The following JAKMIP3 variants were observed in gnomAD, a reference collection of about 807,000 sequenced individuals.
JAKMIP3 encodes the protein janus kinase and microtubule-interacting protein 3.
Under a neutral mutation model 118.5 loss-of-function variants are expected in JAKMIP3, and 58 were observed. That is an observed-to-expected ratio of 0.49 (90% CI 0.40 to 0.61). The LOEUF (loss-of-function observed/expected upper bound fraction) is 0.61, where lower values mean the gene tolerates loss of function less well. Among genes scored for constraint, JAKMIP3 ranks in the 20% least tolerant of loss-of-function variants. The pLI is 0.00. For synonymous variants in JAKMIP3, 486 were observed against 451.2 expected, an observed-to-expected ratio of 1.08 and a Z score of -0.98; for missense variants, 950 against 1,109.0, an observed-to-expected ratio of 0.86 and a Z score of 2.04.
At position 132,117,293 on chromosome 10, in the gene JAKMIP3, G is replaced by T. The variant is rs542760197; in HGVS notation, c.352G>T (p.Ala118Ser). 7 of 1,613,996 alleles carry T rather than the reference G, an allele frequency of 4.3e-6. No homozygotes were observed. The Admixed American group carries it at 5.0e-5, about 12-fold the overall frequency. ...GGACAACGAGAACCAGCGGCTGCAG[G>T]CACTGCTCAGTGCCCTGCGTGATGG... Reference protein sequence around the residue: ...IKDNENQRLQALLSALRDGGP... With the variant: ...IKDNENQRLQSLLSALRDGGP... The change falls in exon 3 of 24, where the codon GCA (alanine) becomes TCA (serine). Residue 118 changes from alanine (A) to serine (S), a missense_variant. Coordinates refer to ENST00000684848, the MANE Select transcript of JAKMIP3 (RefSeq NM_001323087.2). The surrounding 1 kb of genome is among the most constrained non-coding windows in gnomAD (Gnocchi z 8.6).
intron 2 of JAKMIP3, among the ~76,000 whole-genome samples, chr10:132,115,522 C>T (rs1015688125): frequency 5.9e-5 from 9 of 152,202 alleles, no homozygotes; most frequent in African/African-American, 9.7e-5. Context: ...GGGGAAATTA[C>T]GGCTGGTTTG....
Position 132,049,596 on chromosome 10 carries a change from G to T in JAKMIP3, c.-138+12858G>T, listed in dbSNP as rs1215568771. Among the ~76,000 whole-genome samples the T allele has an allele frequency of 6.6e-6, 1 of 151,614 alleles. No homozygotes were observed. Among genetic ancestry groups the T allele is most frequent in the Admixed American group, 6.6e-5 (1 of 15,208 alleles). On this transcript the variant is annotated intron_variant, in intron 1 of 23. Transcript: ENST00000657785. This position sits in a 1 kb window ranked among gnomAD's most constrained non-coding sequence, Gnocchi z 4.3. ...GGGGTGTTTTTCCATATCCTTGAAT[G>T]CTGTTTGCGTGTGCCCGGTTCTGTT...
At chr10:132,071,387 G>GGT (rs1467263000) in intron 1 of JAKMIP3, among the ~76,000 whole-genome samples, 2 of 152,170 alleles carry the variant, frequency 1.3e-5, no homozygotes, top group African/African-American at 2.4e-5. Flanking sequence ...ATTCTGCTAT[G>GGT]GTTGGGTGGT....
intron 19 of JAKMIP3, among the ~76,000 whole-genome samples, chr10:132,162,173 G>A (rs1007141018): frequency 2.6e-5 from 4 of 152,190 alleles, no homozygotes; most frequent in African/African-American, 9.7e-5. Flanking sequence ...GGTTCCTCCT[G>A]GGGCAGTGGT....
intron 14 of JAKMIP3, among the ~76,000 whole-genome samples, chr10:132,149,134 G>T (rs2055300136): frequency 6.6e-6 from 1 of 152,104 alleles, no homozygotes; most frequent in African/African-American, 2.4e-5. Flanking sequence ...ATGTGCCCGT[G>T]GGCTCAGGGT....
chr10:132,103,506 C>T (rs56066300), intron 1 of JAKMIP3, among the ~76,000 whole-genome samples: 1 of 94,172 alleles, frequency 1.1e-5, no homozygotes, highest in East Asian at 2.9e-4. Context: ...AGAGGAGTAG[C>T]TTGGTGGGGG....
chr10:132,073,418 C>G (rs2040287335), intron 1 of JAKMIP3, among the ~76,000 whole-genome samples: 1 of 152,032 alleles, frequency 6.6e-6, no homozygotes, highest in Non-Finnish European at 1.5e-5. Context: ...ATCTCCTGAC[C>G]TTGTGATCCA....
rs1296924184 is a variant in JAKMIP3 at position 132,167,856 on chromosome 10, A to ACCTCTCGGCCCTCG, written c.*23-95_*23-94insTCTCGGCCCTCGCC. 4,396 of 338,238 alleles carry ACCTCTCGGCCCTCG rather than the reference A, an allele frequency of 0.013. 409 individuals carry two copies. The Admixed American group carries it at 0.21, about 16-fold the overall frequency. The allele number at this position is 338,238 out of a possible 1,614,324, so 21.0% of individuals were successfully genotyped here. On this transcript the variant is annotated intron_variant, in intron 22 of 23. Coordinates refer to ENST00000684848, the MANE Select transcript of JAKMIP3 (RefSeq NM_001323087.2). ...CCTCGGCCCTCGCCCCTCGCCCCTC[A>ACCTCTCGGCCCTCG]CCCCTCGGCCCTCGCCCCTCGCCCC...
At chr10:132,080,581 G>A (rs1276136293) in intron 1 of JAKMIP3, among the ~76,000 whole-genome samples, 1 of 133,552 alleles carries the variant, frequency 7.5e-6, no homozygotes, top group Non-Finnish European at 1.5e-5. Flanking sequence ...GAGTGCAGTG[G>A]TGCAATGTCA....
intron 2 of JAKMIP3, among the ~76,000 whole-genome samples, chr10:132,115,525 C>T (rs2047510870): frequency 1.3e-5 from 2 of 152,180 alleles, no homozygotes; most frequent in South Asian, 4.1e-4. Context: ...GAAATTACGG[C>T]TGGTTTGAAA....
intron 1 of JAKMIP3, among the ~76,000 whole-genome samples, chr10:132,067,499 G>A (rs2038975812): frequency 6.6e-6 from 1 of 152,252 alleles, no homozygotes; most frequent in South Asian, 2.1e-4. Flanking sequence ...CTGTCAGTCA[G>A]AGCTGTGCCT....
At position 132,153,741 on chromosome 10, in the gene JAKMIP3, T is replaced by C. The variant is rs1462400395; in HGVS notation, c.2074-18T>C. 1.2e-6 allele frequency: 2 copies of C among 1,612,582 alleles called. No homozygotes were observed. Among genetic ancestry groups the C allele is most frequent in the Non-Finnish European group, 1.7e-6 (2 of 1,179,424 alleles). ...GGACCCTAGGGGTCACTGTCCTGCT[T>C]GTTCTGTTTGTGTCCAGTGGCTCCA... On this transcript the variant is annotated intron_variant, in intron 17 of 23. Transcript: ENST00000684848.
intron 2 of JAKMIP3, among the ~76,000 whole-genome samples, chr10:132,109,781 G>A (rs75065504): frequency 0.034 from 5,142 of 152,256 alleles, 123 homozygotes; most frequent in South Asian, 0.12. Flanking sequence ...GGAAGCCTTC[G>A]GGGCCCCTGG....
At chr10:132,089,435 G>A (rs905510262) in intron 1 of JAKMIP3, among the ~76,000 whole-genome samples, 1 of 152,196 alleles carries the variant, frequency 6.6e-6, no homozygotes, top group East Asian at 1.9e-4. Context: ...TCCCTTGTAA[G>A]TTGGATTCCT....
At chr10:132,077,124 C>T (rs2040946821) in intron 1 of JAKMIP3, among the ~76,000 whole-genome samples, 1 of 152,230 alleles carries the variant, frequency 6.6e-6, no homozygotes, top group Non-Finnish European at 1.5e-5. Context: ...AACTTCTGCC[C>T]ACACGGCTTC....
chr10:132,171,548 T>G (rs2059482310), intron 23 of JAKMIP3, among the ~76,000 whole-genome samples: 1 of 152,192 alleles, frequency 6.6e-6, no homozygotes, highest in Non-Finnish European at 1.5e-5. Context: ...CCCCAACTGT[T>G]TATTTTGAAA....
intron 3 of JAKMIP3, among the ~76,000 whole-genome samples, chr10:132,127,550 T>C (rs539179192): frequency 4.6e-5 from 7 of 152,304 alleles, no homozygotes; most frequent in Non-Finnish European, 1.0e-4. Flanking sequence ...CCATGGCACC[T>C]CACTGCTTGC....
intron 13 of JAKMIP3, among the ~76,000 whole-genome samples, 154 bp from the exon 14 acceptor site, chr10:132,147,798 A>G (rs1016250523): frequency 3.3e-5 from 5 of 152,196 alleles, no homozygotes; most frequent in Non-Finnish European, 4.4e-5. Context: ...AAACCCAAAC[A>G]TACCGAGGGC....
At chr10:132,036,937 C>T (rs2037524288) in intron 1 of JAKMIP3, among the ~76,000 whole-genome samples, 2 of 151,998 alleles carry the variant, frequency 1.3e-5, no homozygotes, top group African/African-American at 4.8e-5. Context: ...CCCCCGTGGG[C>T]GGGTCCTCTC....
Sources: gnomAD v4.1 joint callset for allele counts (sites outside exome capture counted in the v4.1 genomes callset) on GRCh38, gnomAD v4.1.1 for gene constraint, Gnocchi (gnomAD v3.1) non-coding constraint, MANE v1.5 for transcripts, NCBI Gene and HGNC (gene_info 2026-07-23, HGNC 2026-07-21) for gene names.